Variants in PRH1 observed in about 807,000 individuals in gnomAD.
PRH1 encodes proline rich protein HaeIII subfamily 1, also known as salivary acidic proline-rich phosphoprotein 1/2.
PRH1 carries 7 observed loss-of-function variants against 7.9 expected under a neutral mutation model. That is an observed-to-expected ratio of 0.89 (90% CI 0.50 to 1.67). The LOEUF is 1.67. Ranked by LOEUF, PRH1 falls within the 40% of genes most tolerant of loss-of-function variation. The pLI, the probability that PRH1 is intolerant of heterozygous loss-of-function variation, is 0.00. For synonymous variants in PRH1, 45 were observed against 80.8 expected, an observed-to-expected ratio of 0.56 and a Z score of 2.38; for missense variants, 109 against 223.6, an observed-to-expected ratio of 0.49 and a Z score of 3.27.
chr12:11,065,917 T>C (rs949405941), intron 1 of PRH1, among the ~76,000 whole-genome samples: 1 of 152,142 alleles, frequency 6.6e-6, no homozygotes, highest in Admixed American at 6.5e-5. Context: ...CAAACTCTCC[T>C]CACAGGGAAA....
At chr12:11,069,576 G>C (rs1194649157) in intron 1 of PRH1, among the ~76,000 whole-genome samples, 2 of 152,224 alleles carry the variant, frequency 1.3e-5, no homozygotes, top group East Asian at 1.9e-4. Flanking sequence ...GTGGCTAATA[G>C]AGCATGCAAC....
At chr12:11,130,290 C>T (rs918196861) in intron 1 of PRH1, among the ~76,000 whole-genome samples, 13 of 152,074 alleles carry the variant, frequency 8.5e-5, no homozygotes, top group South Asian at 8.3e-4. Flanking sequence ...ATTCAGGGAC[C>T]GACAACATAG....
intron 1 of PRH1, among the ~76,000 whole-genome samples, chr12:11,125,562 C>G (rs369504393): frequency 2.0e-5 from 3 of 151,858 alleles, no homozygotes; most frequent in African/African-American, 4.8e-5. Flanking sequence ...CTGTAATATT[C>G]AAAAAATTTG....
At chr12:11,139,869 T>C (rs757683092) in intron 1 of PRH1, among the ~76,000 whole-genome samples, 6 of 152,142 alleles carry the variant, frequency 3.9e-5, no homozygotes, top group Non-Finnish European at 8.8e-5. Flanking sequence ...AGGAGTAGAA[T>C]ATGAAAATTC....
intron 1 of PRH1, among the ~76,000 whole-genome samples, chr12:11,019,553 T>TAC (rs2136064374): frequency 6.6e-6 from 1 of 151,164 alleles, no homozygotes; most frequent in Admixed American, 6.6e-5. Context: ...TAAAAAAATA[T>TAC]ACAAATAATG....
chr12:11,021,895 T>C, intron 1 of PRH1: 1 of 1,614,198 alleles, frequency 6.2e-7, no homozygotes, highest in East Asian at 2.2e-5. Context: ...TTGCAAAGCT[T>C]TTATATGGAC....
chr12:11,003,714 C>T (rs937032271), intron 1 of PRH1, among the ~76,000 whole-genome samples: 10 of 151,522 alleles, frequency 6.6e-5, no homozygotes, highest in Non-Finnish European at 1.0e-4. Flanking sequence ...AATTTATTTG[C>T]AAAAATACAA....
intron 1 of PRH1, among the ~76,000 whole-genome samples, chr12:11,124,095 T>C (rs1055208602): frequency 6.6e-6 from 1 of 151,986 alleles, no homozygotes; most frequent in African/African-American, 2.4e-5. Flanking sequence ...AAACCGGAAA[T>C]GAAGTTCATA....
At chr12:11,013,170 C>T (rs1041262495) in intron 1 of PRH1, among the ~76,000 whole-genome samples, 1 of 152,096 alleles carries the variant, frequency 6.6e-6, no homozygotes, top group African/African-American at 2.4e-5. Flanking sequence ...TAAAATAACA[C>T]ATTTGGAGGA....
chr12:11,006,113 T>A (rs1165592184), intron 1 of PRH1: 1 of 152,036 alleles, frequency 6.6e-6, no homozygotes, highest in Non-Finnish European at 1.5e-5. Flanking sequence ...GGAAACCAGT[T>A]TTTCTGCTTC....
At chr12:10,939,551 G>GTGT (rs990251859) in intron 2 of PRH1, among the ~76,000 whole-genome samples, 1 of 123,314 alleles carries the variant, frequency 8.1e-6, no homozygotes, top group Non-Finnish European at 1.7e-5. Context: ...TGGTTTGTGT[G>GTGT]TTTTTTTTTT....
exon 1 of PRH1, chr12:11,047,123 T>C (rs118054697): frequency 0.016 from 7,271 of 455,258 alleles, 95 homozygotes; most frequent in Middle Eastern, 0.04. Context: ...GAACTTCCAA[T>C]GTTTAAAAAG....
intron 2 of PRH1, among the ~76,000 whole-genome samples, chr12:10,926,214 T>C (rs1361247425): frequency 6.6e-6 from 1 of 152,204 alleles, no homozygotes; most frequent in African/African-American, 2.4e-5. Context: ...TCAGACTGCT[T>C]AGTTGATACA....
rs530963275 is a variant in PRH1 at position 10,916,892 on chromosome 12, G to GATAAA, written c.-58-32622_-58-32618dup. On this transcript the variant is annotated intron_variant, in intron 2 of 3. Coordinates refer to the PRH1 transcript ENST00000539853. ...AAAAGACCACCTCTCTATAAAATAA[G>GATAAA]ATAAAATAAAATAAAATAAAATAAA... Among the ~76,000 whole-genome samples the GATAAA allele has an allele frequency of 1.3e-3, 197 of 146,470 alleles. 4 individuals are homozygous for GATAAA. In the East Asian group the frequency reaches 0.027, roughly 20 times the overall value.
At chr12:11,163,873 A>T (rs1437008706) in intron 1 of PRH1, among the ~76,000 whole-genome samples, 1 of 152,222 alleles carries the variant, frequency 6.6e-6, no homozygotes, top group African/African-American at 2.4e-5. Context: ...AGCTGGAATA[A>T]CATTTCCCAG....
intron 2 of PRH1, chr12:10,965,208 TGAGAATTTGG>T (rs1376572507): frequency 6.7e-7 from 1 of 1,484,460 alleles, no homozygotes; most frequent in Non-Finnish European, 9.1e-7. Context: ...GCCAGAGCAG[TGAGAATTTGG>T]TCAGCAAAGG....
chr12:11,109,663 A>G (rs1945531463), intron 1 of PRH1, among the ~76,000 whole-genome samples: 3 of 152,176 alleles, frequency 2.0e-5, no homozygotes, highest in Admixed American at 2.0e-4. Context: ...ACCCCATCTG[A>G]AGATCACCAA....
At chr12:10,983,955 G>T (rs371511841) in intron 1 of PRH1, among the ~76,000 whole-genome samples, 1 of 152,060 alleles carries the variant, frequency 6.6e-6, no homozygotes, top group Non-Finnish European at 1.5e-5. Flanking sequence ...TAAGATACTC[G>T]TTTAGTGTTA....
intron 1 of PRH1, among the ~76,000 whole-genome samples, chr12:11,150,337 T>C (rs1224769182): frequency 1.3e-5 from 2 of 152,100 alleles, no homozygotes; most frequent in Non-Finnish European, 2.9e-5. Context: ...CCCAAAGGAC[T>C]ATAAATCATG....
Sources: allele counts gnomAD v4.1 joint callset (sites outside exome capture counted in the v4.1 genomes callset), GRCh38; gene constraint gnomAD v4.1.1; transcripts MANE v1.5; gene names NCBI Gene and HGNC (gene_info 2026-07-23, HGNC 2026-07-21).